Variants in SASH1 observed in about 807,000 individuals in gnomAD.
SASH1 encodes the protein SAM and SH3 domain containing 1.
SASH1 carries 44 observed loss-of-function variants against 125.2 expected under a neutral mutation model. That is an observed-to-expected ratio of 0.35 (90% CI 0.28 to 0.45). The LOEUF is 0.45. SASH1 is among the 20% of genes least tolerant of loss of function. The pLI, the probability that SASH1 is intolerant of heterozygous loss-of-function variation, is 1.00. For missense variants in SASH1, 1,426 were observed against 1,614.5 expected (o/e 0.88, Z 2.00); for synonymous variants, 639 against 649.1 (o/e 0.98, Z 0.24).
the SASH1 span, among the ~76,000 whole-genome samples, chr6:148,236,791 G>C: frequency 6.6e-6 from 1 of 152,204 alleles, no homozygotes; most frequent in Non-Finnish European, 1.5e-5. Context: ...GTTTGAATGT[G>C]CTCCCCAAAA....
At chr6:148,372,416 T>G (rs181811832) in intron 1 of SASH1, among the ~76,000 whole-genome samples, 1 of 152,228 alleles carries the variant, frequency 6.6e-6, no homozygotes, top group Non-Finnish European at 1.5e-5. Flanking sequence ...GTATTCCATT[T>G]GTTTCTTTTG....
In SASH1 at chr6:148,439,662, A is replaced by G. The variant is rs141083622; in HGVS notation, c.286-522A>G. ...CGTGGTGGCGCATGCCTGTAATCCC[A>G]GCTACTTGGGAGGCTGAGGCAGGAG... On this transcript the variant is annotated intron_variant, in intron 2 of 19. Transcript: ENST00000367467. Among the ~76,000 whole-genome samples, 1,273 of 152,234 alleles carry G rather than the reference A, an allele frequency of 8.4e-3. 18 individuals carry two copies. Among genetic ancestry groups the G allele is most frequent in the African/African-American group, 0.029 (1,198 of 41,540 alleles).
At chr6:148,208,914 C>T in the SASH1 span, among the ~76,000 whole-genome samples, 1 of 152,130 alleles carries the variant, frequency 6.6e-6, no homozygotes, top group African/African-American at 2.4e-5. Context: ...TGCTATAATA[C>T]CTTTAATTAC....
At chr6:148,457,037 A>G (rs1251658500) in intron 4 of SASH1, among the ~76,000 whole-genome samples, 2 of 150,852 alleles carry the variant, frequency 1.3e-5, no homozygotes, top group Non-Finnish European at 2.9e-5. Flanking sequence ...TGCTTTTGAT[A>G]ATAATTTAGT....
At chr6:148,263,854 A>C in the SASH1 span, among the ~76,000 whole-genome samples, 1 of 152,160 alleles carries the variant, frequency 6.6e-6, no homozygotes, top group Non-Finnish European at 1.5e-5. Flanking sequence ...TGGAAATGGA[A>C]GACTGAGGGT....
At chr6:148,195,614 A>G in the SASH1 span, among the ~76,000 whole-genome samples, 1 of 152,176 alleles carries the variant, frequency 6.6e-6, no homozygotes, top group Non-Finnish European at 1.5e-5. Context: ...CACTGCCACT[A>G]CATGTGTCAC....
At chr6:148,194,514 CCCTGGCAGTATGA>C in the SASH1 span, among the ~76,000 whole-genome samples, 2 of 152,192 alleles carry the variant, frequency 1.3e-5, no homozygotes, top group African/African-American at 4.8e-5. Context: ...TCTGTCTTTT[CCCTGGCAGTATGA>C]CCTATACTAC....
chr6:148,379,990 C>G (rs1583052847), intron 1 of SASH1: 4 of 455,950 alleles, frequency 8.8e-6, no homozygotes, highest in South Asian at 6.2e-5. Context: ...AGGTGCCACA[C>G]AAAGAGTATT....
upstream of SASH1, among the ~76,000 whole-genome samples, chr6:148,268,367 A>G (rs907234927): frequency 1.4e-4 from 21 of 152,358 alleles, no homozygotes; most frequent in African/African-American, 4.1e-4. Flanking sequence ...AGCTTACCCT[A>G]TTACTTGAAG....
intron 8 of SASH1, among the ~76,000 whole-genome samples, chr6:148,504,694 C>T (rs1014583095): frequency 3.7e-5 from 4 of 107,398 alleles, no homozygotes; most frequent in South Asian, 3.0e-4. Context: ...CCACAGTGAT[C>T]GCACCAGTAT....
At chr6:148,236,178 C>T in the SASH1 span, among the ~76,000 whole-genome samples, 9 of 152,144 alleles carry the variant, frequency 5.9e-5, 1 homozygote, top group African/African-American at 1.9e-4. Flanking sequence ...GGAACACAGA[C>T]TAAATTGGGC....
intron 1 of SASH1, among the ~76,000 whole-genome samples, chr6:148,368,770 G>GCGCGCACACACACACACACA (rs1554245330): frequency 2.1e-4 from 28 of 135,730 alleles, no homozygotes; most frequent in African/African-American, 6.9e-4. Flanking sequence ...GCACGCGCGC[G>GCGCGCACACACACACACACA]CACACACACA....
intron 2 of SASH1, among the ~76,000 whole-genome samples, chr6:148,402,899 G>A (rs1220033793): frequency 5.9e-5 from 9 of 152,130 alleles, no homozygotes; most frequent in Admixed American, 1.3e-4. Flanking sequence ...GTGAGCCACA[G>A]CACCCGGCCC....
chr6:148,289,728 G>A (rs1312388566), intron 1 of SASH1, among the ~76,000 whole-genome samples: 1 of 152,154 alleles, frequency 6.6e-6, no homozygotes, highest in Non-Finnish European at 1.5e-5. Flanking sequence ...AGGGGCAGGG[G>A]ATGCAGTCCC....
rs763160988 is a variant in SASH1, at chr6:148,379,973, G to A, written c.157-10161G>A. On this transcript the variant is annotated intron_variant, in intron 1 of 19. Coordinates refer to ENST00000367467, the MANE Select transcript of SASH1 (RefSeq NM_015278.5). ...TCGTGTGCAGCCATTTGTGAGATGC[G>A]GAACGTAGGTGCCACACAAAGAGTA... 24 of 456,238 alleles carry A rather than the reference G, an allele frequency of 5.3e-5. No homozygotes were observed. In the Middle Eastern group the frequency reaches 9.7e-4, roughly 18 times the overall value. 28.3% of individuals were successfully genotyped at this position (456,238 alleles called of 1,614,324 possible).
chr6:148,262,624 C>A, the SASH1 span, among the ~76,000 whole-genome samples: 1 of 152,212 alleles, frequency 6.6e-6, no homozygotes, highest in Non-Finnish European at 1.5e-5. Flanking sequence ...TGGTTCACAC[C>A]TGTAATCCCA....
intron 8 of SASH1, chr6:148,513,506 C>A: frequency 1.0e-6 from 1 of 985,414 alleles, no homozygotes. Context: ...ATTTTGTTCA[C>A]AAGGGAAGGA....
At chr6:148,256,189 G>A in the SASH1 span, among the ~76,000 whole-genome samples, 1 of 152,130 alleles carries the variant, frequency 6.6e-6, no homozygotes, top group Non-Finnish European at 1.5e-5. Context: ...ACCAGCCATG[G>A]TCTGTAACTT....
rs146008539 is a variant in SASH1 at position 148,551,151 on chromosome 6, CTTTT to C, written c.*2600_*2603del. 3.4e-5 allele frequency: 5 copies of C among 149,230 alleles called. No homozygotes were observed. The highest frequency in any genetic ancestry group is 1.2e-4 in the African/African-American group (5 of 40,618). The allele number at this position is 149,230 out of a possible 1,614,324, so 9.2% of individuals were successfully genotyped here. On this transcript the variant is annotated 3_prime_UTR_variant, in exon 20 of 20. Coordinates refer to ENST00000367467, the MANE Select transcript of SASH1 (RefSeq NM_015278.5). Reference sequence around the variant, plus strand: ...TTTAAAAATATCTTTAGCGTTTGGTCTTTTTTTTTTCTGTAAACATTTAATTTGG... The same window carrying C: ...TTTAAAAATATCTTTAGCGTTTGGTCTTTTTTCTGTAAACATTTAATTTGG...
Sources: gnomAD v4.1 joint callset for allele counts (sites outside exome capture counted in the v4.1 genomes callset) on GRCh38, gnomAD v4.1.1 for gene constraint, MANE v1.5 for transcripts, NCBI Gene and HGNC (gene_info 2026-07-23, HGNC 2026-07-21) for gene names.